SEMA5A: variants seen among roughly 807,000 people sequenced by gnomAD.
SEMA5A encodes semaphorin-5A.
SEMA5A carries 55 observed loss-of-function variants against 135.5 expected under a neutral mutation model. The ratio of observed to expected loss-of-function variants is 0.41; its 90% CI spans 0.33 to 0.51. SEMA5A has a LOEUF of 0.51. SEMA5A is among the 20% of genes least tolerant of loss of function. SEMA5A has a pLI of 0.37. For missense variants in SEMA5A, 1,290 were observed against 1,419.9 expected, an observed-to-expected ratio of 0.91 and a Z score of 1.47; for synonymous variants, 580 against 546.5, an observed-to-expected ratio of 1.06 and a Z score of -0.85.
chr5:9,274,075 G>T (rs933303144), intron 5 of SEMA5A, among the ~76,000 whole-genome samples: 1 of 152,164 alleles, frequency 6.6e-6, no homozygotes, highest in Admixed American at 6.5e-5. Context: ...ACCCATCGGT[G>T]TGCTGTATTC....
chr5:9,116,422 C>T (rs991249055), intron 15 of SEMA5A, among the ~76,000 whole-genome samples: 3 of 151,996 alleles, frequency 2.0e-5, no homozygotes, highest in Admixed American at 6.6e-5. Context: ...AAAATCTTTT[C>T]AAGGAAATGT....
chr5:9,365,843 G>A (rs1001327915), intron 3 of SEMA5A, among the ~76,000 whole-genome samples: 5 of 152,146 alleles, frequency 3.3e-5, no homozygotes, highest in Admixed American at 6.6e-5. Context: ...TCTGAACACT[G>A]CCAGCAGCCA....
intron 1 of SEMA5A, among the ~76,000 whole-genome samples, chr5:9,450,834 G>T (rs867303229): frequency 4.6e-5 from 7 of 151,496 alleles, no homozygotes; most frequent in East Asian, 1.9e-4. Context: ...GCAGCATTCT[G>T]TGCTTGACTT....
Position 9,054,123 on chromosome 5 carries a change from T to A in SEMA5A, c.2653A>T (p.Thr885Ser), listed in dbSNP as rs1330125294. The A allele has an allele frequency of 6.2e-7, 1 of 1,613,358 alleles. No individual in the cohort carries two copies. The highest frequency in any genetic ancestry group is 1.1e-5 in the South Asian group (1 of 90,998). The part of the protein sequence containing the change: ...YGGDICLGLH[T>S]EEALCNTQPC... ...TGCGTGTTGCAGAGTGCCTCTTCTGTGTGCAGCCCCAGGCAGATGTCCCCT... is the reference window on the plus strand; with the variant it reads ...TGCGTGTTGCAGAGTGCCTCTTCTGAGTGCAGCCCCAGGCAGATGTCCCCT... Residue 885 changes from threonine to serine, a missense_variant, in exon 19 of 23, where the codon ACA becomes TCA. Physicochemically the swap from Thr to Ser is moderately conservative, Grantham distance 58 (BLOSUM62 1). Around this residue, in one of 3 missense-constraint regions of SEMA5A, gnomAD observed 1,029 missense variants for 1,086.6 expected, o/e 0.95. Coordinates refer to ENST00000382496, the MANE Select transcript of SEMA5A (RefSeq NM_003966.3).
chr5:9,198,437 C>T (rs192645917), intron 9 of SEMA5A, among the ~76,000 whole-genome samples: 8 of 152,128 alleles, frequency 5.3e-5, no homozygotes, highest in Non-Finnish European at 1.0e-4. Flanking sequence ...TCCAAATGCC[C>T]GGATTTTCCC....
At chr5:9,396,246 G>GCACACA (rs147262677) in intron 2 of SEMA5A, among the ~76,000 whole-genome samples, 11,170 of 148,852 alleles carry the variant, frequency 0.075, 462 homozygotes, top group Non-Finnish European at 0.1. Context: ...GCGCGTGCGT[G>GCACACA]CACACACACA....
chr5:9,256,366 G>A (rs1749067152), intron 5 of SEMA5A, among the ~76,000 whole-genome samples: 1 of 152,010 alleles, frequency 6.6e-6, no homozygotes, highest in Non-Finnish European at 1.5e-5. Context: ...CTAAACCTCT[G>A]TAGGTTCCTT....
intron 8 of SEMA5A, among the ~76,000 whole-genome samples, chr5:9,205,814 G>A (rs1745982229): frequency 6.6e-6 from 1 of 152,168 alleles, no homozygotes; most frequent in Admixed American, 6.5e-5. Context: ...GATCCTTCAG[G>A]ATGAGGGTGG....
chr5:9,077,326 C>T (rs1738123339), intron 16 of SEMA5A, among the ~76,000 whole-genome samples: 2 of 151,978 alleles, frequency 1.3e-5, no homozygotes, highest in South Asian at 2.1e-4. Context: ...TTCAAAATGC[C>T]GAAAGACAAA....
At chr5:9,115,431 T>C (rs898832627) in intron 15 of SEMA5A, among the ~76,000 whole-genome samples, 2 of 152,222 alleles carry the variant, frequency 1.3e-5, no homozygotes, top group African/African-American at 4.8e-5. Context: ...GGAACAGTGA[T>C]TCCTTCATAA....
chr5:9,330,511 T>C (rs949104627), intron 4 of SEMA5A, among the ~76,000 whole-genome samples: 1 of 152,106 alleles, frequency 6.6e-6, no homozygotes, highest in Non-Finnish European at 1.5e-5. Context: ...GGCATGTCAG[T>C]TGGCCACCAG....
intron 1 of SEMA5A, among the ~76,000 whole-genome samples, chr5:9,523,827 T>C (rs749994623): frequency 2.2e-4 from 33 of 152,234 alleles, no homozygotes; most frequent in Non-Finnish European, 4.1e-4. Context: ...TCCGCTCCCT[T>C]ACAGATGGTG....
In SEMA5A at chr5:9,063,096, C is replaced by T. The variant is rs1737275352; in HGVS notation, c.2309G>A (p.Gly770Glu). The change falls in exon 18 of 23, where the codon GGG becomes GAG. Residue 770 changes from glycine (G) to glutamate (E), a missense_variant. Coordinates refer to ENST00000382496, the MANE Select transcript of SEMA5A (RefSeq NM_003966.3). ...TSGCSTDGLS[G>E]DFLRAGRYSA... ...GTATCTCCCAGCACGCAGGAAATCC[C>T]CAGAAAGCCCTGCCAAGGAAACAGG... is the stretch of plus-strand genomic sequence containing the variant. 1.2e-6 allele frequency: 2 copies of T among 1,612,220 alleles called. No homozygotes were observed. Among genetic ancestry groups the T allele is most frequent in the Admixed American group, 1.7e-5 (1 of 59,824 alleles).
chr5:9,121,203 C>A (rs1740796854), intron 14 of SEMA5A, among the ~76,000 whole-genome samples: 1 of 152,148 alleles, frequency 6.6e-6, no homozygotes, highest in African/African-American at 2.4e-5. Context: ...GAAGTGAATG[C>A]AGCTTTACAC....
At chr5:9,102,751 T>C (rs1478267875) in intron 16 of SEMA5A, among the ~76,000 whole-genome samples, 1 of 152,198 alleles carries the variant, frequency 6.6e-6, no homozygotes, top group African/African-American at 2.4e-5. Context: ...CAATAAGCAG[T>C]GGTTTGTAGA....
chr5:9,391,156 C>A (rs1385725489), intron 2 of SEMA5A, among the ~76,000 whole-genome samples: 2 of 152,162 alleles, frequency 1.3e-5, no homozygotes, highest in African/African-American at 4.8e-5. Flanking sequence ...TCTTGTCGGG[C>A]CTGAAAATGT....
At chr5:9,049,239 G>A (rs1204409495) in intron 21 of SEMA5A, among the ~76,000 whole-genome samples, 1 of 152,054 alleles carries the variant, frequency 6.6e-6, no homozygotes, top group African/African-American at 2.4e-5. Context: ...TCAGCTCACT[G>A]CAACCTCCAC....
chr5:9,195,987 T>C (rs1254308770), intron 10 of SEMA5A, among the ~76,000 whole-genome samples: 1 of 152,248 alleles, frequency 6.6e-6, no homozygotes, highest in Non-Finnish European at 1.5e-5. Context: ...GGCCAGGTGA[T>C]CTGCCCCAGG....
intron 3 of SEMA5A, among the ~76,000 whole-genome samples, chr5:9,372,686 T>C (rs1466661142): frequency 6.6e-6 from 1 of 152,104 alleles, no homozygotes; most frequent in Non-Finnish European, 1.5e-5. Flanking sequence ...CATGGAGCCA[T>C]GTCACACACG....
Sources: allele counts gnomAD v4.1 joint callset (sites outside exome capture counted in the v4.1 genomes callset), GRCh38; gene constraint gnomAD v4.1.1; regional missense constraint gnomAD v4.1.1; transcripts MANE v1.5; gene names NCBI Gene and HGNC (gene_info 2026-07-23, HGNC 2026-07-21).